The following LRRTM4 variants were observed in gnomAD, a reference collection of about 807,000 sequenced individuals.
The protein encoded by LRRTM4 is leucine-rich repeat transmembrane neuronal protein 4.
LRRTM4 carries 25 observed loss-of-function variants against 47.6 expected under a neutral mutation model. The observed-to-expected ratio is 0.53, with a 90% CI of 0.38 to 0.73. The LOEUF is 0.73. Ranked by LOEUF, LRRTM4 falls within the 30% of genes least tolerant of loss-of-function variation. The pLI, the probability that LRRTM4 is intolerant of heterozygous loss-of-function variation, is 0.00. For missense variants in LRRTM4, 638 were observed against 713.4 expected (o/e 0.89, Z 1.20); for synonymous variants, 311 against 269.5 (o/e 1.15, Z -1.51).
At chr2:77,111,489 G>A (rs2103935432) in intron 3 of LRRTM4, among the ~76,000 whole-genome samples, 1 of 152,024 alleles carries the variant, frequency 6.6e-6, no homozygotes, top group South Asian at 2.1e-4. Context: ...CAACCAAAGT[G>A]CGAAAATATT....
At chr2:76,777,290 G>C (rs1379076331) in intron 3 of LRRTM4, among the ~76,000 whole-genome samples, 3 of 144,580 alleles carry the variant, frequency 2.1e-5, no homozygotes, top group Non-Finnish European at 4.6e-5. Flanking sequence ...TTCCAATTCT[G>C]TGAAGAAAGG....
intron 3 of LRRTM4, among the ~76,000 whole-genome samples, chr2:77,359,537 C>T (rs1418407440): frequency 1.3e-5 from 2 of 152,146 alleles, no homozygotes; most frequent in Non-Finnish European, 2.9e-5. Context: ...AAATGTGATG[C>T]TCTTTACTGC....
At chr2:76,836,404 A>G (rs932903040) in intron 3 of LRRTM4, among the ~76,000 whole-genome samples, 2 of 151,842 alleles carry the variant, frequency 1.3e-5, no homozygotes, top group South Asian at 4.2e-4. Context: ...TATTTTGATC[A>G]TGTCTATGCC....
intron 3 of LRRTM4, among the ~76,000 whole-genome samples, chr2:76,876,443 A>G (rs1178742338): frequency 1.3e-5 from 2 of 152,142 alleles, no homozygotes; most frequent in East Asian, 1.9e-4. Context: ...AAGTATCTCT[A>G]TTAAGGCATT....
intron 3 of LRRTM4, among the ~76,000 whole-genome samples, chr2:77,077,943 G>A (rs984436717): frequency 1.3e-5 from 2 of 152,116 alleles, no homozygotes; most frequent in African/African-American, 4.8e-5. Flanking sequence ...TTTAAGTGAA[G>A]AAAGAGAGAC....
At chr2:77,378,014 T>C (rs1672903668) in intron 3 of LRRTM4, among the ~76,000 whole-genome samples, 1 of 152,022 alleles carries the variant, frequency 6.6e-6, no homozygotes, top group African/African-American at 2.4e-5. Flanking sequence ...TTAGGTTCTC[T>C]AGAAAAAGTT....
intron 3 of LRRTM4, among the ~76,000 whole-genome samples, chr2:77,285,907 T>A (rs1251972502): frequency 6.6e-6 from 1 of 152,158 alleles, no homozygotes; most frequent in African/African-American, 2.4e-5. Flanking sequence ...TAAAATGCTA[T>A]ATATCTAACC....
chr2:77,453,766 G>T (rs13025615), intron 3 of LRRTM4, among the ~76,000 whole-genome samples: 116,876 of 152,080 alleles, frequency 0.77, 45,023 homozygotes, highest in African/African-American at 0.8. Flanking sequence ...AAGGACATTG[G>T]TAAATTACCT....
At chr2:76,788,225 A>G (rs1263165695) in intron 3 of LRRTM4, among the ~76,000 whole-genome samples, 1 of 152,204 alleles carries the variant, frequency 6.6e-6, no homozygotes, top group Non-Finnish European at 1.5e-5. Flanking sequence ...AAGGTCTAAT[A>G]GAAACATAAA....
chr2:76,930,030 GTTA>G (rs1455697616), intron 3 of LRRTM4, among the ~76,000 whole-genome samples: 1 of 151,464 alleles, frequency 6.6e-6, no homozygotes, highest in African/African-American at 2.4e-5. Context: ...ATCTCTGGTG[GTTA>G]TTTTTATTTT....
chr2:76,936,253 C>A (rs978568934), intron 3 of LRRTM4, among the ~76,000 whole-genome samples: 1 of 152,054 alleles, frequency 6.6e-6, no homozygotes, highest in Non-Finnish European at 1.5e-5. Context: ...GACTACTATG[C>A]AGCCATAAAA....
chr2:77,100,398 A>T (rs1483766676), intron 3 of LRRTM4, among the ~76,000 whole-genome samples: 2 of 152,166 alleles, frequency 1.3e-5, no homozygotes, highest in African/African-American at 2.4e-5. Context: ...TTCTTGCTTC[A>T]ACGATGGAGC....
chr2:76,819,315 A>G (rs1450864322), intron 3 of LRRTM4, among the ~76,000 whole-genome samples: 2 of 151,902 alleles, frequency 1.3e-5, no homozygotes, highest in Non-Finnish European at 2.9e-5. Context: ...ATCATGGAGA[A>G]GTTACATTAT....
chr2:76,986,368 A>T (rs944127841), intron 3 of LRRTM4, among the ~76,000 whole-genome samples: 1 of 150,664 alleles, frequency 6.6e-6, no homozygotes, highest in African/African-American at 2.5e-5. Context: ...TACTAGAGAG[A>T]TTTCTTTTCA....
chr2:77,240,566 G>A (rs895118666), intron 3 of LRRTM4, among the ~76,000 whole-genome samples: 2 of 151,872 alleles, frequency 1.3e-5, no homozygotes, highest in African/African-American at 4.8e-5. Context: ...CATACTTGAA[G>A]TTCTTTCCAG....
chr2:77,154,124 G>T (rs1279490660), intron 3 of LRRTM4, among the ~76,000 whole-genome samples: 1 of 152,084 alleles, frequency 6.6e-6, no homozygotes, highest in African/African-American at 2.4e-5. Flanking sequence ...TTGGCTTTGC[G>T]GATGCTTGAA....
chr2:77,446,373 C>A (rs760988855), intron 3 of LRRTM4, among the ~76,000 whole-genome samples: 1 of 151,860 alleles, frequency 6.6e-6, no homozygotes, highest in African/African-American at 2.4e-5. Context: ...TGTCCATTAT[C>A]CTCTGGGGGT....
rs576252134 is a variant in LRRTM4, at chr2:77,502,808, T to C, written c.1551+15510A>G. The stretch of plus-strand genomic sequence containing the variant: ...AGAGTAAAACAAGGTGGTTTGACTA[T>C]ACAAGGATTTCTGCAACGGCTTCCT... On this transcript the variant is annotated intron_variant, in intron 3 of 3. Transcript: ENST00000409884. Among the ~76,000 whole-genome samples the C allele has an allele frequency of 4.0e-5, 6 of 151,720 alleles. No individual in the cohort carries two copies. The South Asian group carries it at 1.2e-3, about 31-fold the overall frequency.
intron 3 of LRRTM4, among the ~76,000 whole-genome samples, chr2:76,843,475 G>T (rs1054736007): frequency 1.3e-5 from 2 of 152,136 alleles, no homozygotes; most frequent in African/African-American, 4.8e-5. Context: ...CAAAAGGTCA[G>T]TTGCTTCCAT....
Sources: allele counts gnomAD v4.1 joint callset (sites outside exome capture counted in the v4.1 genomes callset), GRCh38; gene constraint gnomAD v4.1.1; transcripts MANE v1.5; gene names NCBI Gene and HGNC (gene_info 2026-07-23, HGNC 2026-07-21).